WWOX: variants seen among roughly 807,000 people sequenced by gnomAD.
WWOX encodes the protein WW domain-containing oxidoreductase.
Under a neutral mutation model 46.2 loss-of-function variants are expected in WWOX, and 69 were observed. The ratio of observed to expected loss-of-function variants is 1.49; its 90% CI spans 1.23 to 1.82. The LOEUF (loss-of-function observed/expected upper bound fraction) is 1.82, where lower values mean the gene tolerates loss of function less well. Ranked by LOEUF, WWOX falls within the 40% of genes most tolerant of loss-of-function variation. The pLI is 0.00. For missense variants in WWOX, 919 were observed against 542.6 expected (o/e 1.69, Z -6.89); for synonymous variants, 359 against 202.6 (o/e 1.77, Z -6.56).
chr16:78,678,008 C>A (rs921680333), intron 8 of WWOX, among the ~76,000 whole-genome samples: 5 of 152,162 alleles, frequency 3.3e-5, no homozygotes, highest in Admixed American at 6.5e-5. Flanking sequence ...CCAAACTCTG[C>A]CGTCCCTGAA....
At chr16:79,082,092 A>T (rs2048770828) in intron 8 of WWOX, among the ~76,000 whole-genome samples, 1 of 152,220 alleles carries the variant, frequency 6.6e-6, no homozygotes, top group Non-Finnish European at 1.5e-5. Context: ...ATACAGCATC[A>T]TCAACTACAT....
At chr16:78,227,060 C>G (rs1017094511) in intron 5 of WWOX, among the ~76,000 whole-genome samples, 10 of 152,186 alleles carry the variant, frequency 6.6e-5, no homozygotes, top group Non-Finnish European at 1.3e-4. Context: ...GTTCAGCTTC[C>G]CGTTCTGATC....
chr16:78,151,938 C>G (rs1219422120), intron 4 of WWOX, among the ~76,000 whole-genome samples: 1 of 152,178 alleles, frequency 6.6e-6, no homozygotes, highest in Non-Finnish European at 1.5e-5. Context: ...CGCCTGTAAT[C>G]CCAGCACTTT....
chr16:78,406,325 TATATATATATATATATATATATATATA>T (rs2082538332), intron 6 of WWOX, among the ~76,000 whole-genome samples: 1 of 81,244 alleles, frequency 1.2e-5, no homozygotes, highest in African/African-American at 1.5e-4. Flanking sequence ...TATATATATA[TATATATATATATATATATATATATATA>T]TATTTTATTA....
At chr16:78,177,388 C>T (rs759360404) in intron 5 of WWOX, among the ~76,000 whole-genome samples, 4 of 152,126 alleles carry the variant, frequency 2.6e-5, no homozygotes, top group East Asian at 1.9e-4. Flanking sequence ...AAACTGTCAT[C>T]GATGCCAGCG....
At position 78,117,148 on chromosome 16, in the gene WWOX, C is replaced by T. The variant is rs115695830; in HGVS notation, c.409+1994C>T. Among the ~76,000 whole-genome samples the T allele has an allele frequency of 2.7e-3, 417 of 152,298 alleles. 3 individuals carry two copies. The highest frequency in any genetic ancestry group is 9.0e-3 in the African/African-American group (374 of 41,562). On this transcript the variant is annotated intron_variant, in intron 4 of 8. Coordinates refer to ENST00000566780, the MANE Select transcript of WWOX (RefSeq NM_016373.4). ...GCCAGAAACTCTTTGTGCCTCTTCA[C>T]AGCTCCCACTTCCCCCTAAGACTCT...
intron 8 of WWOX, among the ~76,000 whole-genome samples, chr16:78,950,825 C>G (rs1275612939): frequency 6.6e-6 from 1 of 152,112 alleles, no homozygotes; most frequent in Non-Finnish European, 1.5e-5. Flanking sequence ...TTGGGGAAAA[C>G]CAGACTTTTG....
At chr16:78,960,800 T>A (rs190213377) in intron 8 of WWOX, among the ~76,000 whole-genome samples, 1 of 152,308 alleles carries the variant, frequency 6.6e-6, no homozygotes. Context: ...TTTTTTTGTC[T>A]TCTTGTTAAA....
intron 5 of WWOX, among the ~76,000 whole-genome samples, chr16:78,303,796 T>C (rs925958138): frequency 7.9e-5 from 12 of 152,256 alleles, no homozygotes; most frequent in African/African-American, 2.9e-4. Context: ...CACTTGGCCT[T>C]GGCCTCCCAA....
chr16:78,132,768 G>A (rs1462914205), intron 4 of WWOX, among the ~76,000 whole-genome samples: 3 of 152,090 alleles, frequency 2.0e-5, no homozygotes, highest in Non-Finnish European at 2.9e-5. Context: ...TGGGCTCTTC[G>A]ATTCTCACGT....
intron 6 of WWOX, among the ~76,000 whole-genome samples, chr16:78,392,194 G>C (rs1373339839): frequency 6.6e-6 from 1 of 152,010 alleles, no homozygotes; most frequent in Non-Finnish European, 1.5e-5. Context: ...GCCGCTCTCT[G>C]TCACTCTCAT....
At position 78,169,661 on chromosome 16, in the gene WWOX, C is replaced by T. The variant is rs74599922; in HGVS notation, c.516+5372C>T. The stretch of plus-strand genomic sequence containing the variant: ...TTTTAGTTTCTAAATTTTAGATCCC[C>T]GGAACTTGGGATCTAAAACTCTGGT... On this transcript the variant is annotated intron_variant, in intron 5 of 8. Transcript: ENST00000566780. Among the ~76,000 whole-genome samples the T allele has an allele frequency of 5.8e-3, 889 of 152,006 alleles. 12 individuals are homozygous for T. The highest frequency in any genetic ancestry group is 0.02 in the African/African-American group (847 of 41,446).
At chr16:78,446,244 G>T (rs1309847528) in intron 8 of WWOX, among the ~76,000 whole-genome samples, 1 of 152,162 alleles carries the variant, frequency 6.6e-6, no homozygotes, top group Non-Finnish European at 1.5e-5. Flanking sequence ...TTTGTAACCT[G>T]TGACGCTCTT....
intron 6 of WWOX, among the ~76,000 whole-genome samples, chr16:78,412,874 G>T (rs1304667139): frequency 6.6e-6 from 1 of 152,192 alleles, no homozygotes; most frequent in Admixed American, 6.5e-5. Flanking sequence ...AGAGAGAGAC[G>T]AGTGCAACCT....
intron 8 of WWOX, among the ~76,000 whole-genome samples, chr16:79,039,001 G>C (rs1324183508): frequency 6.6e-6 from 1 of 151,984 alleles, no homozygotes; most frequent in Admixed American, 6.5e-5. Flanking sequence ...TGCCACAAAT[G>C]GGAGTTTTAA....
intron 6 of WWOX, among the ~76,000 whole-genome samples, chr16:78,395,565 A>G (rs1177113285): frequency 1.3e-5 from 2 of 152,056 alleles, no homozygotes; most frequent in Non-Finnish European, 2.9e-5. Context: ...GGAAGGAAGA[A>G]AGGAAAATTG....
chr16:78,337,965 C>T (rs1267576908), intron 5 of WWOX, among the ~76,000 whole-genome samples: 2 of 117,718 alleles, frequency 1.7e-5, no homozygotes, highest in African/African-American at 5.7e-5. Flanking sequence ...AGAGACCTCA[C>T]AAGATGCTTT....
chr16:79,143,542 G>C (rs540142944), intron 8 of WWOX, among the ~76,000 whole-genome samples: 6 of 152,134 alleles, frequency 3.9e-5, no homozygotes, highest in African/African-American at 1.4e-4. Context: ...TTTTATTCTT[G>C]ATACATACCA....
At chr16:78,990,186 CAA>C (rs751642031) in intron 8 of WWOX, among the ~76,000 whole-genome samples, 1,954 of 110,198 alleles carry the variant, frequency 0.018, 43 homozygotes, top group African/African-American at 0.058. Context: ...CTTGTCTCAC[CAA>C]AAAAAAAAAA....
Sources: allele counts gnomAD v4.1 joint callset (sites outside exome capture counted in the v4.1 genomes callset), GRCh38; gene constraint gnomAD v4.1.1; transcripts MANE v1.5; gene names NCBI Gene and HGNC (gene_info 2026-07-23, HGNC 2026-07-21).